The following EPG5 variants were observed in gnomAD, a reference collection of about 807,000 sequenced individuals.
EPG5 encodes the protein ectopic P granules protein 5 homolog.
Under a neutral mutation model 302.7 loss-of-function variants are expected in EPG5, and 159 were observed. The observed-to-expected ratio is 0.53, with a 90% CI of 0.46 to 0.60. The LOEUF (loss-of-function observed/expected upper bound fraction) is 0.60, where lower values mean the gene tolerates loss of function less well. Ranked by LOEUF, EPG5 falls within the 20% of genes least tolerant of loss-of-function variation. EPG5 has a pLI of 0.00. For synonymous variants in EPG5, 1,158 were observed against 1,136.8 expected, an observed-to-expected ratio of 1.02 and a Z score of -0.37; for missense variants, 2,896 against 3,092.4, an observed-to-expected ratio of 0.94 and a Z score of 1.51.
the EPG5 span, among the ~76,000 whole-genome samples, chr18:45,825,202 G>A: frequency 1.4e-5 from 2 of 140,564 alleles, no homozygotes; most frequent in Non-Finnish European, 3.1e-5. Context: ...GAGGGAGGAA[G>A]AGAGGGATAG....
intron 26 of EPG5, among the ~76,000 whole-genome samples, chr18:45,900,689 T>A (rs1249464392): frequency 1.3e-5 from 2 of 152,146 alleles, no homozygotes; most frequent in African/African-American, 4.8e-5. Context: ...CTTTCCAACA[T>A]CATCTTTCCA....
chr18:45,928,676 CT>C (rs1169532577), intron 13 of EPG5, among the ~76,000 whole-genome samples, 192 bp downstream of exon 13: 4 of 152,164 alleles, frequency 2.6e-5, no homozygotes, highest in African/African-American at 9.7e-5. Context: ...ACAATCACAT[CT>C]TTTTATAAGC....
intron 18 of EPG5, 83 bp downstream of exon 18, chr18:45,916,355 A>C (rs2050032398): frequency 7.0e-6 from 11 of 1,560,598 alleles, no homozygotes; most frequent in Non-Finnish European, 8.7e-6. Flanking sequence ...ATCTGAAATG[A>C]CTAAAACCTA....
chr18:45,961,587 A>G (rs2051150546), intron 1 of EPG5, among the ~76,000 whole-genome samples: 1 of 152,196 alleles, frequency 6.6e-6, no homozygotes. Context: ...CAGGCTGGGC[A>G]TGGTGGCTCA....
intron 4 of EPG5, 143 bp from the exon 5 acceptor site, chr18:45,949,734 A>C (rs2143698197): frequency 1.9e-6 from 1 of 525,442 alleles, no homozygotes; most frequent in Non-Finnish European, 3.4e-6. Context: ...CTATTCACTG[A>C]TGAGTTTCTA....
In EPG5 at chr18:45,853,787, G is replaced by A. The variant is rs111321990; in HGVS notation, c.7558-1138C>T. On this transcript the variant is annotated intron_variant, in intron 43 of 43. Transcript: ENST00000282041. Reference sequence around the variant, plus strand: ...TACCAAATTAAGAGCTATGTAAACAGAGTTCAATTTAAGAATAGGAATCAA... The same window carrying A: ...TACCAAATTAAGAGCTATGTAAACAAAGTTCAATTTAAGAATAGGAATCAA... Among the ~76,000 whole-genome samples, 815 of 152,278 alleles carry A rather than the reference G, an allele frequency of 5.4e-3. 9 individuals are homozygous for A. Among genetic ancestry groups the A allele is most frequent in the African/African-American group, 0.019 (782 of 41,542 alleles).
chr18:45,941,372 C>T (rs2050663691), intron 9 of EPG5, among the ~76,000 whole-genome samples: 1 of 152,152 alleles, frequency 6.6e-6, no homozygotes, highest in Admixed American at 6.5e-5. Context: ...GCACAAGGTT[C>T]ATTAGAGATC....
chr18:45,943,025 G>T, intron 9 of EPG5, 136 bp downstream of exon 9: 1 of 817,424 alleles, frequency 1.2e-6, no homozygotes, highest in Non-Finnish European at 1.9e-6. Flanking sequence ...TATAGATGGT[G>T]AAGAAAAAAA....
rs1459219144 is a variant in EPG5 at position 45,928,869 on chromosome 18, C to T, written c.2553G>A (p.Met851Ile). The change falls in exon 13 of 44, where the codon ATG becomes ATA. Residue 851 changes from methionine to isoleucine, a missense_variant and splice_region_variant. By Grantham distance (10) the Met-to-Ile change is conservative (BLOSUM62 1). Transcript: ENST00000282041. ...AAACAAACAAAATCAGTGCTCTTAC[C>T]ATTCCAACCTGGTCAATGGTCTCTT... ...RVQETIDQVG[M>I]VSLYLFKELP... The T allele has an allele frequency of 2.5e-6, 4 of 1,608,296 alleles. No individual in the cohort carries two copies. The highest frequency in any genetic ancestry group is 2.7e-5 in the African/African-American group (2 of 74,624).
the EPG5 span, chr18:45,837,966 C>T: frequency 7.1e-7 from 1 of 1,404,616 alleles, no homozygotes; most frequent in South Asian, 1.5e-5. Context: ...CCAAGGGCTA[C>T]GTGGGTGCCA....
the EPG5 span, chr18:45,838,042 C>G: frequency 9.0e-7 from 1 of 1,108,236 alleles, no homozygotes; most frequent in Non-Finnish European, 1.2e-6. Flanking sequence ...GGATCTCACA[C>G]CTGGGGGTAG....
chr18:45,893,550 C>T (rs1291286881), intron 27 of EPG5, among the ~76,000 whole-genome samples: 1 of 83,420 alleles, frequency 1.2e-5, no homozygotes, highest in African/African-American at 4.7e-5. Context: ...GAGACTCTGT[C>T]TAAAAAAAAA....
intron 39 of EPG5, among the ~76,000 whole-genome samples, chr18:45,860,842 G>T (rs1399487325): frequency 6.6e-6 from 1 of 152,150 alleles, no homozygotes. Flanking sequence ...AAAAACCTTT[G>T]TAAAGTGTCC....
At chr18:45,819,424 A>T in the EPG5 span, among the ~76,000 whole-genome samples, 1 of 152,202 alleles carries the variant, frequency 6.6e-6, no homozygotes. Flanking sequence ...TTGTTGAAGT[A>T]CTGAGAGGAG....
chr18:45,882,491 A>G lies in EPG5; in HGVS notation c.5305-4T>C. 1 of 1,598,710 alleles carries G rather than the reference A, an allele frequency of 6.3e-7. No individual in the cohort carries two copies. Among genetic ancestry groups the G allele is most frequent in the East Asian group, 2.2e-5 (1 of 44,742 alleles). On this transcript the variant is annotated splice_region_variant and splice_polypyrimidine_tract_variant and intron_variant, in intron 30 of 43. Coordinates refer to ENST00000282041, the MANE Select transcript of EPG5 (RefSeq NM_020964.3). ...TTAACCATTGTTTAAGATCGAACTA[A>G]AAAGAAAAAGAAACAAAAAGCCGTT...
At chr18:45,836,066 T>C in the EPG5 span, among the ~76,000 whole-genome samples, 4 of 152,166 alleles carry the variant, frequency 2.6e-5, no homozygotes, top group Non-Finnish European at 4.4e-5. Context: ...CCTGTGATTA[T>C]TCATAGATGG....
At chr18:45,949,398 C>CTTTTTTTTTTTT in intron 5 of EPG5, 86 bp downstream of exon 5, 1 of 685,610 alleles carries the variant, frequency 1.5e-6, no homozygotes, top group Non-Finnish European at 2.4e-6. Context: ...TTAAATAGTC[C>CTTTTTTTTTTTT]TTTTTTTTTC....
intron 35 of EPG5, among the ~76,000 whole-genome samples, chr18:45,875,147 C>T (rs2145354474): frequency 6.6e-6 from 1 of 152,286 alleles, no homozygotes; most frequent in East Asian, 1.9e-4. Context: ...TAAGTAGTTC[C>T]AATTGACAAC....
At chr18:45,943,781 C>A (rs1245615421) in intron 8 of EPG5, among the ~76,000 whole-genome samples, 1 of 151,952 alleles carries the variant, frequency 6.6e-6, no homozygotes, top group African/African-American at 2.4e-5. Flanking sequence ...ATTAGCCGGG[C>A]GTGGTGGCGG....
Sources: gnomAD v4.1 joint callset for allele counts (sites outside exome capture counted in the v4.1 genomes callset) on GRCh38, gnomAD v4.1.1 for gene constraint, MANE v1.5 for transcripts, NCBI Gene and HGNC (gene_info 2026-07-23, HGNC 2026-07-21) for gene names.